Variants in SLC5A1 observed in about 807,000 individuals in gnomAD.
The protein encoded by SLC5A1 is solute carrier family 5 member 1, also known as sodium/glucose cotransporter 1.
A neutral mutation model predicts 73.5 loss-of-function variants in SLC5A1; 42 were observed. The observed-to-expected ratio is 0.57, with a 90% CI of 0.45 to 0.74. SLC5A1 has a LOEUF of 0.74. SLC5A1 is among the 30% of genes least tolerant of loss of function. The pLI, the probability that SLC5A1 is intolerant of heterozygous loss-of-function variation, is 0.00. For synonymous variants in SLC5A1, 300 were observed against 317.4 expected (o/e 0.95, Z 0.58); for missense variants, 634 against 855.4 (o/e 0.74, Z 3.23).
At chr22:32,102,407 T>C (rs1264929599) in intron 13 of SLC5A1, among the ~76,000 whole-genome samples, 170 bp downstream of exon 13, 2 of 152,140 alleles carry the variant, frequency 1.3e-5, no homozygotes, top group Non-Finnish European at 2.9e-5. Context: ...ATCAGGGTAA[T>C]TGGGGTGTCC....
chr22:32,102,107 T>C lies in SLC5A1; in HGVS notation c.1535T>C (p.Met512Thr). The C allele has an allele frequency of 1.2e-6, 2 of 1,614,080 alleles. No homozygotes were observed. Among genetic ancestry groups the C allele is most frequent in the Non-Finnish European group, 1.7e-6 (2 of 1,179,982 alleles). The change falls in exon 13 of 15, where the codon ATG becomes ACG. Residue 512 changes from methionine (M) to threonine (T), a missense_variant. Met to Thr is a moderately conservative substitution (Grantham distance 81, BLOSUM62 -1). This residue lies in a region of SLC5A1 where 422 missense variants were observed against 626.1 expected (regional missense o/e 0.67). Transcript: ENST00000266088. ...TTTGCTTATGGAACCGGGAGCTGCA[T>C]GGAGCCCAGCAACTGTCCCACGATT... ...TEFAYGTGSC[M>T]EPSNCPTIIC...
At chr22:32,073,026 G>T (rs921309508) in intron 5 of SLC5A1, among the ~76,000 whole-genome samples, 5 of 152,094 alleles carry the variant, frequency 3.3e-5, no homozygotes, top group African/African-American at 1.2e-4. Context: ...GATGCACAAA[G>T]GTTTTAAATC....
rs1407335441 is a variant in SLC5A1 at position 32,111,506 on chromosome 22, C to T, written c.*1293C>T. On this transcript the variant is annotated 3_prime_UTR_variant, in exon 15 of 15. Transcript: ENST00000266088. ...CTTGAAGAGATACTAAACAAACCCACAACACAGATAAAGTATGCATTTTGG... is the reference window on the plus strand; with the variant it reads ...CTTGAAGAGATACTAAACAAACCCATAACACAGATAAAGTATGCATTTTGG... The T allele has an allele frequency of 1.3e-5, 2 of 152,138 alleles. No homozygotes were observed. Among genetic ancestry groups the T allele is most frequent in the African/African-American group, 2.4e-5 (1 of 41,414 alleles). 9.4% of individuals were successfully genotyped at this position (152,138 alleles called of 1,614,324 possible).
chr22:32,086,260 T>C lies in SLC5A1; in HGVS notation c.1062T>C (p.Tyr354=), dbSNP rs758991024. 5.6e-6 allele frequency: 9 copies of C among 1,613,980 alleles called. No homozygotes were observed. Among genetic ancestry groups the C allele is most frequent in the South Asian group, 1.1e-5 (1 of 91,090 alleles). ...TCGTCCCTTCAGAATGTGAGAAATATTGCGGTACCAAGGTTGGCTGTACCA... is the reference window on the plus strand; with the variant it reads ...TCGTCCCTTCAGAATGTGAGAAATACTGCGGTACCAAGGTTGGCTGTACCA... ...ACVVPSECEK[Y]CGTKVGCTNI... Residue 354 remains tyrosine, a synonymous_variant, in exon 10 of 15, where the codon TAT becomes TAC. Transcript: ENST00000266088.
chr22:32,101,111 A>G (rs1470801201), intron 12 of SLC5A1, among the ~76,000 whole-genome samples: 2 of 152,190 alleles, frequency 1.3e-5, no homozygotes, highest in East Asian at 1.9e-4. Context: ...ATGCCATGCC[A>G]TGTGTGGGGG....
At chr22:32,049,536 T>A (rs2093942526) in intron 1 of SLC5A1, among the ~76,000 whole-genome samples, 1 of 147,860 alleles carries the variant, frequency 6.8e-6, no homozygotes, top group East Asian at 2.1e-4. Context: ...CATGCCACCA[T>A]GTGGCTGTAA....
At chr22:32,106,088 T>C (rs750080383) in intron 14 of SLC5A1, among the ~76,000 whole-genome samples, 8 of 152,218 alleles carry the variant, frequency 5.3e-5, no homozygotes, top group Admixed American at 1.3e-4. Context: ...TTCCTTTCTT[T>C]TGGGCATATA....
rs130265 is a variant in SLC5A1, at chr22:32,049,415, C to CTT, written c.136-515_136-514dup. 9.8e-3 allele frequency among the ~76,000 whole-genome samples: 1,279 copies of CTT among 130,392 alleles called. 13 individuals are homozygous for CTT. Among genetic ancestry groups the CTT allele is most frequent in the Middle Eastern group, 0.016 (4 of 254 alleles). The allele number at this position is 130,392 out of a possible 152,430, so 85.5% of individuals were successfully genotyped here. On this transcript the variant is annotated intron_variant, in intron 1 of 14. Transcript: ENST00000266088. The stretch of plus-strand genomic sequence containing the variant: ...TTTTAAAAGTATGATATTTCTTTTT[C>CTT]TTTTTTTTTTTTTTGAGATGGGTGT...
At chr22:32,085,145 T>A in intron 9 of SLC5A1, 110 bp downstream of exon 9, 1 of 1,277,992 alleles carries the variant, frequency 7.8e-7, no homozygotes, top group East Asian at 2.3e-5. Context: ...AGACCAGGTC[T>A]CACTCTGTCA....
At chr22:32,054,536 G>C (rs2093949116) in intron 2 of SLC5A1, among the ~76,000 whole-genome samples, 1 of 152,212 alleles carries the variant, frequency 6.6e-6, no homozygotes, top group Non-Finnish European at 1.5e-5. Context: ...ATCAGAAGGA[G>C]CCAGCCATGT....
chr22:32,049,073 A>AAAAT (rs369009468), intron 1 of SLC5A1, among the ~76,000 whole-genome samples: 3,378 of 43,390 alleles, frequency 0.078, 115 homozygotes, highest in East Asian at 0.23. Context: ...GACTTTGTCT[A>AAAAT]AAATAAATAA....
At chr22:32,076,237 G>C (rs572803261) in intron 5 of SLC5A1, among the ~76,000 whole-genome samples, 2 of 152,226 alleles carry the variant, frequency 1.3e-5, no homozygotes, top group African/African-American at 4.8e-5. Context: ...GATGTGGAGC[G>C]TTGGCTATGG....
chr22:32,060,018 C>T lies in SLC5A1; in HGVS notation c.208-6917C>T, dbSNP rs1435581680. The stretch of plus-strand genomic sequence containing the variant: ...GCAGCACAGGGGCCATGGTTATACA[C>T]ACACACACACACACACACACACACA... On this transcript the variant is annotated intron_variant, in intron 2 of 14. Coordinates refer to ENST00000266088, the MANE Select transcript of SLC5A1 (RefSeq NM_000343.4). 3.4e-4 allele frequency among the ~76,000 whole-genome samples: 27 copies of T among 79,002 alleles called. No individual in the cohort carries two copies. In the East Asian group the frequency reaches 0.01, roughly 30 times the overall value. The allele number at this position is 79,002 out of a possible 152,430, so 51.8% of individuals were successfully genotyped here. A position where few individuals can be genotyped will look rare whatever the true frequency, so the allele number is the denominator to read the frequency against.
chr22:32,072,719 G>A (rs542085157), intron 5 of SLC5A1, among the ~76,000 whole-genome samples: 24 of 152,266 alleles, frequency 1.6e-4, no homozygotes, highest in African/African-American at 5.5e-4. Flanking sequence ...CAGTTAGTTT[G>A]TTTGAATCAG....
chr22:32,104,722 C>G (rs2094042087), intron 13 of SLC5A1, 64 bp from the exon 14 acceptor site: 1 of 1,318,706 alleles, frequency 7.6e-7, no homozygotes, highest in East Asian at 2.3e-5. Flanking sequence ...TCTTTGCCCC[C>G]CCAACTTCTT....
At chr22:32,061,788 G>A (rs572459380) in intron 2 of SLC5A1, among the ~76,000 whole-genome samples, 2 of 152,352 alleles carry the variant, frequency 1.3e-5, no homozygotes, top group South Asian at 2.1e-4. Context: ...AATCTTACAG[G>A]AAGTCAAGAG....
chr22:32,078,853 G>A (rs547303098), intron 5 of SLC5A1, among the ~76,000 whole-genome samples: 2 of 151,210 alleles, frequency 1.3e-5, no homozygotes, highest in Non-Finnish European at 2.9e-5. Context: ...TACTCAGGAG[G>A]CTGAGGCAGG....
In SLC5A1 at chr22:32,104,740, G is replaced by A. The variant is rs202015954; in HGVS notation, c.1666-46G>A. The A allele has an allele frequency of 2.7e-6, 4 of 1,501,372 alleles. No individual in the cohort carries two copies. In the African/African-American group the frequency reaches 5.5e-5, roughly 21 times the overall value. The allele number at this position is 1,501,372 out of a possible 1,614,324, so 93.0% of individuals were successfully genotyped here. A position where few individuals can be genotyped will look rare whatever the true frequency, so the allele number is the denominator to read the frequency against. ...TTGCCCCCCCAACTTCTTGTCCCAA[G>A]ATGCTATTTGGATCTTTCTGTTGAC... is the stretch of plus-strand genomic sequence containing the variant. On this transcript the variant is annotated intron_variant, in intron 13 of 14. Transcript: ENST00000266088.
At chr22:32,054,081 G>A (rs1486856563) in intron 2 of SLC5A1, among the ~76,000 whole-genome samples, 1 of 152,180 alleles carries the variant, frequency 6.6e-6, no homozygotes, top group Non-Finnish European at 1.5e-5. Context: ...GCTGAGGTAG[G>A]AGAATTGCTT....
Sources: allele counts gnomAD v4.1 joint callset (sites outside exome capture counted in the v4.1 genomes callset), GRCh38; gene constraint gnomAD v4.1.1; regional missense constraint gnomAD v4.1.1; transcripts MANE v1.5; gene names NCBI Gene and HGNC (gene_info 2026-07-23, HGNC 2026-07-21).